Variants in GLDN observed in about 807,000 individuals in gnomAD.
GLDN encodes the protein gliomedin.
Under a neutral mutation model 56.5 loss-of-function variants are expected in GLDN, and 47 were observed. That is an observed-to-expected ratio of 0.83 (90% CI 0.66 to 1.06). The LOEUF (loss-of-function observed/expected upper bound fraction) is 1.06. GLDN is among the 50% of genes least tolerant of loss of function. The pLI is 0.00. For synonymous variants in GLDN, 332 were observed against 278.8 expected (o/e 1.19, Z -1.90); for missense variants, 782 against 714.3 (o/e 1.09, Z -1.08).
Position 51,404,312 on chromosome 15 carries a change from A to C in GLDN, c.1214A>C (p.Lys405Thr), listed in dbSNP as rs147089740. The change falls in exon 10 of 10, where the codon AAG becomes ACG. Residue 405 changes from lysine to threonine, a missense_variant. Physicochemically the swap from Lys to Thr is moderately conservative, Grantham distance 78. Transcript: ENST00000335449. ...GGCCAGGAAACATCCCAAACTCTGA[A>C]GCTTGAAAATGCCTTGTATTTTGAT... ...EFGQETSQTL[K>T]LENALYFDRK... 1.5e-3 allele frequency: 2,331 copies of C among 1,606,148 alleles called. 6 individuals are homozygous for C. Among genetic ancestry groups the C allele is most frequent in the Non-Finnish European group, 1.9e-3 (2,273 of 1,176,802 alleles).
At chr15:51,375,076 C>T (rs2037602870) in intron 1 of GLDN, among the ~76,000 whole-genome samples, 1 of 152,130 alleles carries the variant, frequency 6.6e-6, no homozygotes, top group African/African-American at 2.4e-5. Context: ...CAATAAGTTT[C>T]TAAAGCAGGC....
At position 51,397,523 on chromosome 15, in the gene GLDN, G is replaced by C. The variant is rs752745071; in HGVS notation, c.742G>C (p.Gly248Arg). 1 of 1,598,780 alleles carries C rather than the reference G, an allele frequency of 6.3e-7. No homozygotes were observed. The highest frequency in any genetic ancestry group is 1.7e-5 in the Admixed American group (1 of 58,940). The change falls in exon 6 of 10, where the codon GGT (glycine) becomes CGT (arginine). Residue 248 changes from glycine (G) to arginine (R), a missense_variant. Physicochemically the swap from Gly to Arg is moderately radical, Grantham distance 125. Coordinates refer to ENST00000335449, the MANE Select transcript of GLDN (RefSeq NM_181789.4). ...TCCACCTGGGCCCCCAGGCCCTCCA[G>C]GTCCTCCAGGGCCCCCTGGAAGCAG... ...PGPPGPPGPP[G>R]PPGPPGSRRA...
chr15:51,391,854 G>A lies in GLDN; in HGVS notation c.542-2981G>A, dbSNP rs533025228. ...CTGTGCTCCCCCAGTTCCACTGGAC[G>A]GGCAGCCGCCACCCAAGCTTACCAC... is the stretch of plus-strand genomic sequence containing the variant. On this transcript the variant is annotated intron_variant, in intron 4 of 9. Coordinates refer to ENST00000335449, the MANE Select transcript of GLDN (RefSeq NM_181789.4). 8.5e-5 allele frequency among the ~76,000 whole-genome samples: 13 copies of A among 152,348 alleles called. No individual in the cohort carries two copies. The South Asian group carries it at 1.9e-3, about 22-fold the overall frequency.
chr15:51,405,525 A>T lies in GLDN; in HGVS notation c.*771A>T, dbSNP rs2038360967. The T allele has an allele frequency of 1.3e-5, 2 of 151,934 alleles. No homozygotes were observed. The highest frequency in any genetic ancestry group is 2.1e-4 in the South Asian group (1 of 4,816). 9.4% of individuals were successfully genotyped at this position (151,934 alleles called of 1,614,324 possible). ...CCTTGGCCTCCCAAAATGCTGGATT[A>T]CAGGCATGTGTGCCTGGCCCAGGTT... On this transcript the variant is annotated 3_prime_UTR_variant, in exon 10 of 10. Transcript: ENST00000335449.
chr15:51,341,910 C>A lies in GLDN; in HGVS notation c.226C>A (p.Pro76Thr). The change falls in exon 1 of 10, where the codon CCG (proline) becomes ACG (threonine). Residue 76 changes from proline to threonine, a missense_variant. Physicochemically the swap from Pro to Thr is conservative, Grantham distance 38. Coordinates refer to ENST00000335449, the MANE Select transcript of GLDN (RefSeq NM_181789.4). ...CTTCCTGGCCGAGTTGAGCCGCGCG[C>A]CGCGCGGGGCGTCCGCACCACCCCA... ...RSFLAELSRA[P>T]RGASAPPQDP... The A allele has an allele frequency of 3.8e-6, 6 of 1,592,984 alleles. No homozygotes were observed. The highest frequency in any genetic ancestry group is 5.1e-6 in the Non-Finnish European group (6 of 1,177,380).
intron 4 of GLDN, among the ~76,000 whole-genome samples, chr15:51,392,445 G>C (rs1270807100): frequency 2.6e-5 from 4 of 152,202 alleles, no homozygotes; most frequent in Non-Finnish European, 5.9e-5. Flanking sequence ...GGACTGTCTA[G>C]TTGCATGAAA....
chr15:51,389,940 C>T (rs1445605577), intron 4 of GLDN, among the ~76,000 whole-genome samples: 2 of 152,288 alleles, frequency 1.3e-5, no homozygotes, highest in East Asian at 3.9e-4. Context: ...CTGATAAAGC[C>T]AGAGTTTAAG....
chr15:51,349,742 A>ATT lies in GLDN; in HGVS notation c.363+7710_363+7711dup, dbSNP rs11424647. The stretch of plus-strand genomic sequence containing the variant: ...ATTCCCTGGAACGGCACTAGGGCTG[A>ATT]TTTTTTTTTTTTTTTTAGACAGAGT... On this transcript the variant is annotated intron_variant, in intron 1 of 9. Coordinates refer to ENST00000335449, the MANE Select transcript of GLDN (RefSeq NM_181789.4). Among the ~76,000 whole-genome samples the ATT allele has an allele frequency of 0.017, 2,394 of 141,294 alleles. 172 individuals are homozygous for ATT. In the East Asian group the frequency reaches 0.25, roughly 15 times the overall value. The allele number at this position is 141,294 out of a possible 152,430, so 92.7% of individuals were successfully genotyped here.
chr15:51,370,958 G>A (rs1209244548), intron 1 of GLDN, among the ~76,000 whole-genome samples: 1 of 152,080 alleles, frequency 6.6e-6, no homozygotes, highest in Non-Finnish European at 1.5e-5. Flanking sequence ...TGGTGCCACT[G>A]CATTCCAGCA....
intron 4 of GLDN, chr15:51,384,661 G>A (rs1179244752): frequency 6.5e-6 from 1 of 152,676 alleles, no homozygotes; most frequent in East Asian, 1.9e-4. Flanking sequence ...GGTCAGGGCA[G>A]ATCCACCTGA....
chr15:51,355,762 A>T (rs2037167617), intron 1 of GLDN, among the ~76,000 whole-genome samples: 1 of 148,776 alleles, frequency 6.7e-6, no homozygotes, highest in Non-Finnish European at 1.5e-5. Context: ...TGACTTTGTG[A>T]TCTGCCCACC....
chr15:51,344,683 C>T lies in GLDN; in HGVS notation c.363+2636C>T, dbSNP rs143784512. 8.6e-3 allele frequency among the ~76,000 whole-genome samples: 1,303 copies of T among 152,122 alleles called. 18 individuals carry two copies. Among genetic ancestry groups the T allele is most frequent in the African/African-American group, 0.03 (1,225 of 41,488 alleles). ...TCTTATGTCCTTAGAGGTCTAGGAA[C>T]GAAGAAACAAACTCTATGCAGACTA... On this transcript the variant is annotated intron_variant, in intron 1 of 9. Coordinates refer to ENST00000335449, the MANE Select transcript of GLDN (RefSeq NM_181789.4).
At chr15:51,387,687 A>G (rs1173855980) in intron 4 of GLDN, among the ~76,000 whole-genome samples, 1 of 152,184 alleles carries the variant, frequency 6.6e-6, no homozygotes, top group Non-Finnish European at 1.5e-5. Context: ...CAGGGGTGGC[A>G]TAGGAGAGGT....
In GLDN at chr15:51,383,438, C is replaced by T; in HGVS notation, c.418C>T (p.Pro140Ser). The T allele has an allele frequency of 6.2e-7, 1 of 1,613,960 alleles. No individual in the cohort carries two copies. Among genetic ancestry groups the T allele is most frequent in the Non-Finnish European group, 8.5e-7 (1 of 1,179,946 alleles). Residue 140 changes from proline to serine, a missense_variant and splice_region_variant, in exon 3 of 10, where the codon CCT becomes TCT. By Grantham distance (74) the Pro-to-Ser change is moderately conservative. Transcript: ENST00000335449. ...ACTAAATTTTTTTTCCGTTGTAGGA[C>T]CTTCTGGACCACCAGGTAAGAGCCC... ...NSTKGICLTG[P>S]SGPPGPPGAG...
chr15:51,388,158 G>A (rs1348945956), intron 4 of GLDN, among the ~76,000 whole-genome samples: 1 of 152,124 alleles, frequency 6.6e-6, no homozygotes, highest in African/African-American at 2.4e-5. Flanking sequence ...CTTGGCCTCT[G>A]TGTCTAGCCC....
intron 4 of GLDN, among the ~76,000 whole-genome samples, chr15:51,391,693 T>C (rs1215287773): frequency 6.6e-6 from 1 of 152,232 alleles, no homozygotes; most frequent in Non-Finnish European, 1.5e-5. Context: ...AATGGGATTT[T>C]GGTGCTATTG....
rs369023805 is a variant in GLDN at position 51,342,000 on chromosome 15, G to A, written c.316G>A (p.Ala106Thr). 3.1e-4 allele frequency: 490 copies of A among 1,597,702 alleles called. No individual in the cohort carries two copies. Among genetic ancestry groups the A allele is most frequent in the Non-Finnish European group, 4.0e-4 (468 of 1,179,466 alleles). Residue 106 changes from alanine (A) to threonine (T), a missense_variant, in exon 1 of 10, where the codon GCC (alanine) becomes ACC (threonine). Physicochemically the swap from Ala to Thr is moderately conservative, Grantham distance 58. Coordinates refer to ENST00000335449, the MANE Select transcript of GLDN (RefSeq NM_181789.4). ...CGGCGAGCCCGCGCCGCATATCCGCGCCGAGAGCCATGACATGCTGATGAT... is the reference window on the plus strand; with the variant it reads ...CGGCGAGCCCGCGCCGCATATCCGCACCGAGAGCCATGACATGCTGATGAT... ...HSGEPAPHIR[A>T]ESHDMLMMMT...
chr15:51,402,271 A>G (rs992752947), intron 9 of GLDN, among the ~76,000 whole-genome samples: 1 of 152,216 alleles, frequency 6.6e-6, no homozygotes, highest in African/African-American at 2.4e-5. Context: ...GAGGAGGGTC[A>G]CCTGGGTAGA....
intron 1 of GLDN, among the ~76,000 whole-genome samples, chr15:51,361,100 C>T (rs777278980): frequency 2.6e-5 from 4 of 152,138 alleles, no homozygotes; most frequent in Admixed American, 6.5e-5. Context: ...TTGCTGTTGG[C>T]GGTTACTGAA....
Sources: allele counts gnomAD v4.1 joint callset (sites outside exome capture counted in the v4.1 genomes callset), GRCh38; gene constraint gnomAD v4.1.1; transcripts MANE v1.5; gene names NCBI Gene and HGNC (gene_info 2026-07-23, HGNC 2026-07-21).